Variants in SULF2 observed in about 807,000 individuals in gnomAD.
SULF2 encodes the protein sulfatase 2, also known as extracellular sulfatase Sulf-2.
A neutral mutation model predicts 107.7 loss-of-function variants in SULF2; 52 were observed. The observed-to-expected ratio is 0.48, with a 90% CI of 0.39 to 0.61. SULF2 has a LOEUF of 0.61. SULF2 is among the 20% of genes least tolerant of loss of function. The pLI is 0.00. For missense variants in SULF2, 993 were observed against 1,177.3 expected (o/e 0.84, Z 2.29); for synonymous variants, 460 against 464.3 (o/e 0.99, Z 0.12).
rs201522683 is a variant in SULF2 at position 47,731,184 on chromosome 20, TCTC to T, written c.415+5516_415+5518del. The stretch of plus-strand genomic sequence containing the variant: ...CTCTGCCTGCTACTCACCTGTATCT[TCTC>T]TTTTTTTTTTTTTTTTTTTTTTTGA... On this transcript the variant is annotated intron_variant, in intron 3 of 20. Transcript: ENST00000688720. Among the ~76,000 whole-genome samples the T allele has an allele frequency of 1.7e-3, 165 of 98,798 alleles. 4 individuals are homozygous for T. Among genetic ancestry groups the T allele is most frequent in the Middle Eastern group, 5.7e-3 (1 of 174 alleles). 64.8% of individuals were successfully genotyped at this position (98,798 alleles called of 152,430 possible). A position where few individuals can be genotyped will look rare whatever the true frequency, so the allele number is the denominator to read the frequency against.
At position 47,666,154 on chromosome 20, in the gene SULF2, C is replaced by G; in HGVS notation, c.1805+106G>C. ...AAGGCCTCCAGTGCCACTGAAGTCC[C>G]CACCATCCTTGTCATCTTGGTCCTC... On this transcript the variant is annotated intron_variant, in intron 12 of 20. Transcript: ENST00000688720. The surrounding 1 kb of genome is among the most constrained non-coding windows in gnomAD (Gnocchi z 5.4). 6.2e-7 allele frequency: 1 copy of G among 1,611,756 alleles called. No individual in the cohort carries two copies. The highest frequency in any genetic ancestry group is 8.5e-7 in the Non-Finnish European group (1 of 1,179,498).
chr20:47,781,692 C>T (rs927866565), intron 1 of SULF2, among the ~76,000 whole-genome samples: 1 of 152,106 alleles, frequency 6.6e-6, no homozygotes, highest in East Asian at 1.9e-4. Context: ...TTGATCATCT[C>T]ATTTCATGCT....
intron 3 of SULF2, among the ~76,000 whole-genome samples, chr20:47,717,001 C>T (rs2089142885): frequency 6.6e-6 from 1 of 151,726 alleles, no homozygotes; most frequent in Non-Finnish European, 1.5e-5. Flanking sequence ...CAAGCGAGAC[C>T]CTATTTCTAA....
chr20:47,714,151 G>A (rs764838941), intron 3 of SULF2, among the ~76,000 whole-genome samples: 4 of 152,216 alleles, frequency 2.6e-5, no homozygotes, highest in Non-Finnish European at 5.9e-5. Flanking sequence ...TCGCAGGCAC[G>A]GAGTCTGCGA....
rs1210569728 is a variant in SULF2, at chr20:47,680,176, C to G, written c.1065-1372G>C. On this transcript the variant is annotated intron_variant, in intron 7 of 20. Transcript: ENST00000688720. This position sits in a 1 kb window ranked among gnomAD's most constrained non-coding sequence, Gnocchi z 4.2. ...ATGCAGTGTGGTGGCATGATCCTGG[C>G]TCACTGCAACCTCCACCTCCTGGGT... is the stretch of plus-strand genomic sequence containing the variant. 6.6e-6 allele frequency among the ~76,000 whole-genome samples: 1 copy of G among 152,210 alleles called. No homozygotes were observed.
Position 47,715,093 on chromosome 20 carries a change from ATT to A in SULF2, c.416-12425_416-12424del, listed in dbSNP as rs869126418. 5.9e-3 allele frequency among the ~76,000 whole-genome samples: 755 copies of A among 128,970 alleles called. 15 individuals carry two copies. The highest frequency in any genetic ancestry group is 0.019 in the African/African-American group (652 of 34,692). 84.6% of individuals were successfully genotyped at this position (128,970 alleles called of 152,430 possible). ...GCCACCATGCCCAGATAACTTTTGT[ATT>A]TTTTTTTTTTTTTTTTTGTAGAGAC... On this transcript the variant is annotated intron_variant, in intron 3 of 20. Transcript: ENST00000688720.
rs1224331666 is a variant in SULF2, at chr20:47,785,451, T to TGCCGCC, written c.-215_-210dup. The TGCCGCC allele has an allele frequency of 2.8e-4, 42 of 147,644 alleles. No individual in the cohort carries two copies. The highest frequency in any genetic ancestry group is 4.9e-4 in the Non-Finnish European group (36 of 73,400). The allele number at this position is 147,644 out of a possible 1,614,324, so 9.1% of individuals were successfully genotyped here. A position where few individuals can be genotyped will look rare whatever the true frequency, so the allele number is the denominator to read the frequency against. On this transcript the variant is annotated 5_prime_UTR_variant, in exon 1 of 21. Coordinates refer to ENST00000688720, the MANE Select transcript of SULF2 (RefSeq NM_001387048.1). ...GGGGACTCCGCGCCGCCGCTGCCGC[T>TGCCGCC]GCCGCCGCCGCCGCCGCCGCTGCCG... is the stretch of plus-strand genomic sequence containing the variant.
intron 5 of SULF2, among the ~76,000 whole-genome samples, chr20:47,686,688 C>T (rs868348851): frequency 2.6e-5 from 4 of 152,326 alleles, no homozygotes; most frequent in Middle Eastern, 6.8e-3. Flanking sequence ...ATATCACAAT[C>T]GTCCGGGGCA....
chr20:47,663,356 G>A, intron 16 of SULF2, 97 bp downstream of exon 16: 9 of 1,580,690 alleles, frequency 5.7e-6, no homozygotes, highest in Middle Eastern at 2.3e-4. Context: ...CCTGGTGTTG[G>A]GGACCCCCTT....
In SULF2 at chr20:47,684,643, C is replaced by T. The variant is rs1050052604; in HGVS notation, c.738-62G>A. On this transcript the variant is annotated intron_variant, in intron 5 of 20. Coordinates refer to ENST00000688720, the MANE Select transcript of SULF2 (RefSeq NM_001387048.1). ...GGACAGCCTGGACCCTGCCTGGCCC[C>T]CGCCAGACCCGCCCGGATGAGCAGC... 12 of 1,551,542 alleles carry T rather than the reference C, an allele frequency of 7.7e-6. No individual in the cohort carries two copies. The African/African-American group carries it at 1.4e-4, about 18-fold the overall frequency.
At chr20:47,675,330 G>A (rs1034898696) in intron 10 of SULF2, among the ~76,000 whole-genome samples, 11 of 152,166 alleles carry the variant, frequency 7.2e-5, no homozygotes, top group South Asian at 2.1e-4. Context: ...GTGGCCCTGC[G>A]CCTAGGACAG....
chr20:47,748,949 G>A (rs1039366614), intron 2 of SULF2, among the ~76,000 whole-genome samples: 4 of 151,610 alleles, frequency 2.6e-5, no homozygotes, highest in East Asian at 1.9e-4. Context: ...TATAATTCTC[G>A]CTGAGATCAT....
Position 47,702,506 on chromosome 20 carries a change from G to GTA in SULF2, c.567+12_567+13insTA, listed in dbSNP as rs1185858395. The GTA allele has an allele frequency of 6.2e-7, 1 of 1,610,362 alleles. No individual in the cohort carries two copies. Among genetic ancestry groups the GTA allele is most frequent in the South Asian group, 1.1e-5 (1 of 90,780 alleles). On this transcript the variant is annotated intron_variant, in intron 4 of 20. Transcript: ENST00000688720. ...CACACAGCCACTCCCAGGCTGGAAA[G>GTA]GTTGCAGCTTACCTTGGAGTAGTCG...
chr20:47,691,277 G>C (rs1219286755), intron 4 of SULF2, among the ~76,000 whole-genome samples: 1 of 152,204 alleles, frequency 6.6e-6, no homozygotes, highest in African/African-American at 2.4e-5. Context: ...AAAACAGAGA[G>C]ATGTAACAAA....
chr20:47,736,933 T>G lies in SULF2; in HGVS notation c.185A>C (p.Gln62Pro). 6.2e-7 allele frequency: 1 copy of G among 1,614,202 alleles called. No individual in the cohort carries two copies. The highest frequency in any genetic ancestry group is 1.7e-4 in the Middle Eastern group (1 of 6,060). The change falls in exon 3 of 21, where the codon CAG (glutamine) becomes CCG (proline). Residue 62 changes from glutamine to proline, a missense_variant. Physicochemically the swap from Gln to Pro is moderately conservative, Grantham distance 76 (BLOSUM62 -1). This residue lies in a region of SULF2 where 388 missense variants were observed against 449.2 expected (regional missense o/e 0.86). Transcript: ENST00000688720. ...DDQDVELGSMQVMNKTRRIME... is the reference protein window; with the variant it reads ...DDQDVELGSMPVMNKTRRIME... ...GATGCGCCGGGTCTTGTTCATCACC[T>G]GCATGGAACCTGCAAGTCAAGGGTG...
At chr20:47,677,479 G>T (rs936859467) in intron 8 of SULF2, among the ~76,000 whole-genome samples, 1 of 151,460 alleles carries the variant, frequency 6.6e-6, no homozygotes, top group Non-Finnish European at 1.5e-5. Context: ...CAACTCCCCC[G>T]GCACTAGACG....
Position 47,680,357 on chromosome 20 carries a change from C to T in SULF2, c.1065-1553G>A, listed in dbSNP as rs371914418. Among the ~76,000 whole-genome samples, 2 of 152,376 alleles carry T rather than the reference C, an allele frequency of 1.3e-5. No individual in the cohort carries two copies. The highest frequency in any genetic ancestry group is 2.1e-4 in the South Asian group (1 of 4,830). On this transcript the variant is annotated intron_variant, in intron 7 of 20. Transcript: ENST00000688720. The surrounding 1 kb of genome is among the most constrained non-coding windows in gnomAD (Gnocchi z 4.2). ...ACCTCAGGTGATACATCCGCCTCAG[C>T]CTCCCAAAGTGCTGGGATTACAGGC... is the stretch of plus-strand genomic sequence containing the variant.
intron 3 of SULF2, chr20:47,706,628 A>G (rs2088746383): frequency 6.6e-6 from 1 of 152,290 alleles, no homozygotes; most frequent in Non-Finnish European, 1.5e-5. Flanking sequence ...CGAAGTGGGC[A>G]TGCATAGCCC....
At chr20:47,717,196 C>T (rs958571027) in intron 3 of SULF2, among the ~76,000 whole-genome samples, 3 of 152,200 alleles carry the variant, frequency 2.0e-5, no homozygotes, top group African/African-American at 7.2e-5. Context: ...GATCCTGGGA[C>T]CACGCTTTGA....
Sources: gnomAD v4.1 joint callset for allele counts (sites outside exome capture counted in the v4.1 genomes callset) on GRCh38, gnomAD v4.1.1 for gene constraint, gnomAD v4.1.1 regional missense constraint, Gnocchi (gnomAD v3.1) non-coding constraint, MANE v1.5 for transcripts, NCBI Gene and HGNC (gene_info 2026-07-23, HGNC 2026-07-21) for gene names.